The following RBM20 variants were observed in gnomAD, a reference collection of about 807,000 sequenced individuals.
RBM20 encodes RNA binding motif protein 20.
RBM20 carries 51 observed loss-of-function variants against 110.1 expected under a neutral mutation model. That is an observed-to-expected ratio of 0.46 (90% CI 0.37 to 0.59). The LOEUF is 0.59. Among genes scored for constraint, RBM20 ranks in the 20% least tolerant of loss-of-function variants. The pLI, the probability that RBM20 is intolerant of heterozygous loss-of-function variation, is 0.00. For synonymous variants in RBM20, 589 were observed against 618.2 expected, an observed-to-expected ratio of 0.95 and a Z score of 0.70; for missense variants, 1,512 against 1,574.9, an observed-to-expected ratio of 0.96 and a Z score of 0.68.
intron 1 of RBM20, among the ~76,000 whole-genome samples, chr10:110,686,091 T>A (rs1387560890): frequency 6.6e-6 from 1 of 152,168 alleles, no homozygotes; most frequent in Non-Finnish European, 1.5e-5. Context: ...CGGACCTTAC[T>A]TTTCTCATCC....
intron 1 of RBM20, among the ~76,000 whole-genome samples, chr10:110,711,329 CAAAAAAA>C (rs1157753270): frequency 6.3e-4 from 18 of 28,402 alleles, no homozygotes; most frequent in East Asian, 2.0e-3. Context: ...GACTCCATCT[CAAAAAAA>C]AAAAAAAAAA....
chr10:110,774,687 T>C (rs1160032765), intron 1 of RBM20, among the ~76,000 whole-genome samples: 4 of 152,162 alleles, frequency 2.6e-5, no homozygotes, highest in Non-Finnish European at 4.4e-5. Context: ...GTTTTCTTTT[T>C]GTTTGTTTTG....
chr10:110,723,400 G>A (rs1004697881), intron 1 of RBM20, among the ~76,000 whole-genome samples: 7 of 152,120 alleles, frequency 4.6e-5, no homozygotes, highest in Non-Finnish European at 8.8e-5. Flanking sequence ...CTGTCTGTGT[G>A]GATTTGCCTC....
At chr10:110,728,436 G>T (rs1340382059) in intron 1 of RBM20, among the ~76,000 whole-genome samples, 3 of 151,712 alleles carry the variant, frequency 2.0e-5, no homozygotes, top group South Asian at 2.1e-4. Context: ...CTTTTTTTTT[G>T]GATAAGGTTG....
chr10:110,788,056 A>G (rs1844441549), intron 5 of RBM20, among the ~76,000 whole-genome samples: 1 of 152,102 alleles, frequency 6.6e-6, no homozygotes, highest in Admixed American at 6.5e-5. Flanking sequence ...ACCTTATATG[A>G]GGCCACATAG....
In RBM20 at chr10:110,726,558, C is replaced by T. The variant is rs545540610; in HGVS notation, c.192-54243C>T. 3.9e-5 allele frequency among the ~76,000 whole-genome samples: 6 copies of T among 152,312 alleles called. No individual in the cohort carries two copies. In the South Asian group the frequency reaches 1.2e-3, roughly 32 times the overall value. On this transcript the variant is annotated intron_variant, in intron 1 of 13. Coordinates refer to ENST00000369519, the MANE Select transcript of RBM20 (RefSeq NM_001134363.3). ...GATCAAGTGATGGCCCTCTAAGCTA[C>T]TCAGTGTCTTTGTCTGTGAGGTGGG...
At chr10:110,710,242 G>A (rs959588315) in intron 1 of RBM20, among the ~76,000 whole-genome samples, 11 of 152,156 alleles carry the variant, frequency 7.2e-5, no homozygotes, top group Non-Finnish European at 1.3e-4. Flanking sequence ...GTGGGTTTTC[G>A]CGCAACAAGC....
chr10:110,700,753 C>A (rs181201026), intron 1 of RBM20, among the ~76,000 whole-genome samples: 31 of 152,172 alleles, frequency 2.0e-4, no homozygotes, highest in Non-Finnish European at 3.8e-4. Flanking sequence ...CGGTGGCTCA[C>A]CCCTGTCATC....
rs1428024391 is a variant in RBM20, at chr10:110,829,171, G to A, written c.3452-1890G>A. On this transcript the variant is annotated intron_variant, in intron 12 of 13. Transcript: ENST00000369519. The stretch of plus-strand genomic sequence containing the variant: ...CCCAGCTGCCCCTCTCCTATACTGC[G>A]GGGGTCTCGGCTCCCTGCAGAGCAG... 5.3e-5 allele frequency among the ~76,000 whole-genome samples: 8 copies of A among 152,212 alleles called. No homozygotes were observed. The South Asian group carries it at 1.4e-3, about 28-fold the overall frequency.
chr10:110,702,918 A>G (rs1862780132), intron 1 of RBM20, among the ~76,000 whole-genome samples: 3 of 152,044 alleles, frequency 2.0e-5, no homozygotes, highest in African/African-American at 4.8e-5. Flanking sequence ...GTATCTGGCA[A>G]TTAGTGAGCA....
chr10:110,643,533 CT>C (rs1026622454), upstream of RBM20, among the ~76,000 whole-genome samples: 6 of 152,240 alleles, frequency 3.9e-5, no homozygotes, highest in African/African-American at 1.4e-4. Flanking sequence ...GGCGAACTCT[CT>C]TTTCATCCTT....
chr10:110,713,294 A>G (rs1455976922), intron 1 of RBM20, among the ~76,000 whole-genome samples: 1 of 152,222 alleles, frequency 6.6e-6, no homozygotes, highest in Non-Finnish European at 1.5e-5. Context: ...TGCTACACAG[A>G]GTAACGTGCA....
chr10:110,824,007 G>A (rs1164440679), intron 12 of RBM20, among the ~76,000 whole-genome samples: 1 of 151,856 alleles, frequency 6.6e-6, no homozygotes, highest in Non-Finnish European at 1.5e-5. Context: ...GACTACAGGT[G>A]TGAGCCACTT....
chr10:110,732,392 A>T (rs1266680362), intron 1 of RBM20, among the ~76,000 whole-genome samples: 3 of 152,116 alleles, frequency 2.0e-5, no homozygotes, highest in African/African-American at 7.2e-5. Flanking sequence ...TTCCTCTCAG[A>T]TTCCTTTTAA....
intron 1 of RBM20, among the ~76,000 whole-genome samples, chr10:110,707,026 A>G (rs1250372287): frequency 6.6e-6 from 1 of 152,198 alleles, no homozygotes; most frequent in Admixed American, 6.5e-5. Flanking sequence ...TTTACATAGC[A>G]ATTGTGTGCT....
intron 1 of RBM20, among the ~76,000 whole-genome samples, chr10:110,774,651 G>GGTTTTTTGTTTGTTT (rs1844237697): frequency 6.6e-6 from 1 of 151,758 alleles, no homozygotes; most frequent in Non-Finnish European, 1.5e-5. Context: ...TGGCTTTTGC[G>GGTTTTTTGTTTGTTT]GTTTTTTGTT....
At chr10:110,706,143 G>C (rs916840006) in intron 1 of RBM20, among the ~76,000 whole-genome samples, 3 of 152,114 alleles carry the variant, frequency 2.0e-5, no homozygotes, top group African/African-American at 7.2e-5. Context: ...TTTTATTCCT[G>C]TTGTAAAAAT....
Position 110,831,088 on chromosome 10 carries a change from G to T in RBM20, c.3479G>T (p.Gly1160Val). The T allele has an allele frequency of 6.4e-7, 1 of 1,551,382 alleles. No individual in the cohort carries two copies. Among genetic ancestry groups the T allele is most frequent in the African/African-American group, 1.4e-5 (1 of 73,134 alleles). The change falls in exon 13 of 14, where the codon GGC becomes GTC. Residue 1160 changes from glycine to valine, a missense_variant. By Grantham distance (109) the Gly-to-Val change is moderately radical. Around this residue, in one of 3 missense-constraint regions of RBM20, gnomAD observed 358 missense variants for 384.2 expected, o/e 0.93. Coordinates refer to ENST00000369519, the MANE Select transcript of RBM20 (RefSeq NM_001134363.3). ...GTGGAGTTCGTGGTTCCCAGGACTG[G>T]CTTTTATTGCAAGCTGTGTGGGCTG... ...LGVEFVVPRT[G>V]FYCKLCGLFY...
intron 5 of RBM20, among the ~76,000 whole-genome samples, chr10:110,788,193 C>G (rs1401982180): frequency 6.6e-6 from 1 of 152,164 alleles, no homozygotes; most frequent in Non-Finnish European, 1.5e-5. Context: ...TGATCCTCCT[C>G]TTTAGTAAGC....
Sources: allele counts gnomAD v4.1 joint callset (sites outside exome capture counted in the v4.1 genomes callset), GRCh38; gene constraint gnomAD v4.1.1; regional missense constraint gnomAD v4.1.1; transcripts MANE v1.5; gene names NCBI Gene and HGNC (gene_info 2026-07-23, HGNC 2026-07-21).